Variants in PDE1C observed in about 807,000 individuals in gnomAD.
PDE1C encodes the protein phosphodiesterase 1C, also known as dual specificity calcium/calmodulin-dependent 3',5'-cyclic nucleotide phosphodiesterase 1C.
In PDE1C, 62 loss-of-function variants were observed where a neutral mutation model predicts 93.1. The ratio of observed to expected loss-of-function variants is 0.67; its 90% confidence interval spans 0.54 to 0.82. The LOEUF (loss-of-function observed/expected upper bound fraction) is 0.82, where lower values mean the gene tolerates loss of function less well. PDE1C is among the 40% of genes least tolerant of loss of function. The pLI is 0.00. For missense variants in PDE1C, 742 were observed against 884.6 expected, an observed-to-expected ratio of 0.84 and a Z score of 2.04; for synonymous variants, 325 against 310.1, an observed-to-expected ratio of 1.05 and a Z score of -0.50.
intron 3 of PDE1C, among the ~76,000 whole-genome samples, chr7:32,116,429 C>A (rs1260522544): frequency 1.3e-5 from 2 of 152,070 alleles, no homozygotes; most frequent in Non-Finnish European, 2.9e-5. Context: ...TGCCTCTGAT[C>A]AAAGCTGACA....
chr7:31,882,336 C>T (rs1265522574), intron 2 of PDE1C, among the ~76,000 whole-genome samples: 2 of 152,080 alleles, frequency 1.3e-5, no homozygotes, highest in African/African-American at 2.4e-5. Flanking sequence ...AGAGGCAGCA[C>T]GAGACAGGGA....
Position 31,879,030 on chromosome 7 carries a change from C to T in PDE1C, c.391G>A (p.Val131Ile), listed in dbSNP as rs770014076. Reference protein sequence around the residue: ...SDEKPRFKSIVHAVQAGIFVE... With the variant: ...SDEKPRFKSIIHAVQAGIFVE... Reference sequence around the variant, plus strand: ...AATATCCCAGCCTGCACTGCGTGAACGATGCTCTTGAACCGGGGCTTCTCG... The same window carrying T: ...AATATCCCAGCCTGCACTGCGTGAATGATGCTCTTGAACCGGGGCTTCTCG... The change falls in exon 4 of 18, where the codon GTT becomes ATT. Residue 131 changes from valine to isoleucine, a missense_variant. Coordinates refer to ENST00000396191, the MANE Select transcript of PDE1C (RefSeq NM_001191057.4). The T allele has an allele frequency of 6.2e-6, 10 of 1,614,020 alleles. No individual in the cohort carries two copies. The highest frequency in any genetic ancestry group is 1.3e-5 in the African/African-American group (1 of 74,924).
chr7:32,281,661 T>A (rs1811637980), intron 1 of PDE1C, among the ~76,000 whole-genome samples: 1 of 152,098 alleles, frequency 6.6e-6, no homozygotes. Flanking sequence ...ATAAAAGAAA[T>A]AAGTTGCACA....
chr7:32,068,555 A>G (rs1019891338), intron 1 of PDE1C, among the ~76,000 whole-genome samples: 4 of 152,228 alleles, frequency 2.6e-5, no homozygotes, highest in Non-Finnish European at 4.4e-5. Flanking sequence ...TAGATACAAG[A>G]GACTAGAAAA....
At chr7:32,293,216 T>C (rs1221848725) in intron 1 of PDE1C, among the ~76,000 whole-genome samples, 1 of 152,172 alleles carries the variant, frequency 6.6e-6, no homozygotes, top group African/African-American at 2.4e-5. Flanking sequence ...CCTCCATTTA[T>C]TCAGAGAAGA....
At chr7:32,264,965 T>C (rs746484794) in intron 1 of PDE1C, among the ~76,000 whole-genome samples, 3 of 152,226 alleles carry the variant, frequency 2.0e-5, no homozygotes, top group Non-Finnish European at 4.4e-5. Context: ...CAAATTACAT[T>C]TCCCTTTGGA....
Position 32,364,706 on chromosome 7 carries a change from G to A in PDE1C, c.310+63116C>T, listed in dbSNP as rs1442333561. Among the ~76,000 whole-genome samples the A allele has an allele frequency of 4.2e-4, 64 of 152,204 alleles. 1 individual carries two copies. The highest frequency in any genetic ancestry group is 8.8e-5 in the Non-Finnish European group (6 of 68,050). On this transcript the variant is annotated intron_variant, in intron 1 of 1. Transcript: ENST00000672256. Reference sequence around the variant, plus strand: ...ATCTCCTGTAAGCCACTCTGCTAGAGCACAGCACCAACTTGAGACCACAGC... The same window carrying A: ...ATCTCCTGTAAGCCACTCTGCTAGAACACAGCACCAACTTGAGACCACAGC...
chr7:31,675,267 C>T, the PDE1C span, among the ~76,000 whole-genome samples: 1 of 152,144 alleles, frequency 6.6e-6, no homozygotes, highest in Non-Finnish European at 1.5e-5. Flanking sequence ...TCAATAGTTG[C>T]AGTCTTGGCC....
intron 1 of PDE1C, among the ~76,000 whole-genome samples, chr7:32,330,010 C>A (rs1783480933): frequency 6.6e-6 from 1 of 152,206 alleles, no homozygotes; most frequent in South Asian, 2.1e-4. Flanking sequence ...GCAGACGTTG[C>A]CCTGAAATCA....
At chr7:32,232,226 G>A (rs1198143540) in intron 1 of PDE1C, among the ~76,000 whole-genome samples, 3 of 152,114 alleles carry the variant, frequency 2.0e-5, no homozygotes, top group Non-Finnish European at 2.9e-5. Flanking sequence ...CTCGTCTCAA[G>A]GCAATCCAAA....
intron 1 of PDE1C, among the ~76,000 whole-genome samples, chr7:32,305,086 C>T (rs1812966246): frequency 6.6e-6 from 1 of 152,206 alleles, no homozygotes; most frequent in Admixed American, 6.5e-5. Flanking sequence ...GCTGCAGAAA[C>T]TCATGGGCTT....
chr7:32,425,085 A>G (rs1239323045), intron 1 of PDE1C, among the ~76,000 whole-genome samples: 1 of 151,978 alleles, frequency 6.6e-6, no homozygotes, highest in Non-Finnish European at 1.5e-5. Flanking sequence ...CTGTTTATGT[A>G]TATATACCTA....
At position 31,960,904 on chromosome 7, in the gene PDE1C, C is replaced by T. The variant is rs187395239; in HGVS notation, c.129-80044G>A. Among the ~76,000 whole-genome samples, 170 of 152,230 alleles carry T rather than the reference C, an allele frequency of 1.1e-3. 1 individual carries two copies. Among genetic ancestry groups the T allele is most frequent in the African/African-American group, 3.7e-3 (153 of 41,548 alleles). On this transcript the variant is annotated intron_variant, in intron 2 of 17. Transcript: ENST00000396191. ...CTCTCCAGGATCTTTGTCAGTCATG[C>T]AGTTTCTACTCTCCTGAGTGCCTCC...
Position 31,752,865 on chromosome 7 carries a change from TTC to T in PDE1C, c.*517_*518del, listed in dbSNP as rs1329680115. On this transcript the variant is annotated 3_prime_UTR_variant, in exon 18 of 18. Transcript: ENST00000396191. ...ATATTTTTACATTCAGAAGCACAAC[TTC>T]TGTTTTGAATACATTTACTTTGATA... 9 of 152,364 alleles carry T rather than the reference TTC, an allele frequency of 5.9e-5. No homozygotes were observed. Among genetic ancestry groups the T allele is most frequent in the Admixed American group, 5.9e-4 (9 of 15,302 alleles). The allele number at this position is 152,364 out of a possible 1,614,324, so 9.4% of individuals were successfully genotyped here. A position where few individuals can be genotyped will look rare whatever the true frequency, so the allele number is the denominator to read the frequency against.
At chr7:31,766,359 G>T (rs28480176) in intron 17 of PDE1C, among the ~76,000 whole-genome samples, 2 of 151,160 alleles carry the variant, frequency 1.3e-5, no homozygotes, top group Non-Finnish European at 2.9e-5. Context: ...ACTCCAGCCT[G>T]GGCGACAGAG....
At chr7:31,965,450 G>T (rs1221252969) in intron 2 of PDE1C, among the ~76,000 whole-genome samples, 1 of 152,136 alleles carries the variant, frequency 6.6e-6, no homozygotes, top group Non-Finnish European at 1.5e-5. Context: ...AAGAAATATG[G>T]GACTATGTGA....
intron 1 of PDE1C, among the ~76,000 whole-genome samples, chr7:32,217,465 C>T (rs1806516932): frequency 8.8e-6 from 1 of 113,452 alleles, no homozygotes; most frequent in African/African-American, 3.3e-5. Context: ...TTCCTTTGCC[C>T]CCATGTGGTT....
intron 3 of PDE1C, among the ~76,000 whole-genome samples, chr7:32,136,290 T>C (rs1800204114): frequency 6.6e-6 from 1 of 152,202 alleles, no homozygotes; most frequent in Non-Finnish European, 1.5e-5. Context: ...ATGCCTTGAG[T>C]ATAAAATCTC....
intron 1 of PDE1C, among the ~76,000 whole-genome samples, chr7:32,422,855 A>C (rs927567054): frequency 6.6e-6 from 1 of 152,172 alleles, no homozygotes; most frequent in Non-Finnish European, 1.5e-5. Flanking sequence ...TGGTTGCAAA[A>C]GGGCTAGGGA....
Sources: gnomAD v4.1 joint callset for allele counts (sites outside exome capture counted in the v4.1 genomes callset) on GRCh38, gnomAD v4.1.1 for gene constraint, MANE v1.5 for transcripts, NCBI Gene and HGNC (gene_info 2026-07-23, HGNC 2026-07-21) for gene names.